The following TRIM44 variants were observed in gnomAD, a reference collection of about 807,000 sequenced individuals.
TRIM44 encodes the protein tripartite motif containing 44.
Under a neutral mutation model 37.4 loss-of-function variants are expected in TRIM44, and 13 were observed. The observed-to-expected ratio is 0.35, with a 90% CI of 0.23 to 0.55. The LOEUF (loss-of-function observed/expected upper bound fraction) is 0.55, where lower values mean the gene tolerates loss of function less well. TRIM44 is among the 20% of genes least tolerant of loss of function. TRIM44 has a pLI of 0.89. For missense variants in TRIM44, 426 were observed against 437.2 expected (o/e 0.97, Z 0.23); for synonymous variants, 175 against 157.2 (o/e 1.11, Z -0.85).
At chr11:35,741,865 G>T (rs1852401439) in intron 4 of TRIM44, among the ~76,000 whole-genome samples, 1 of 152,152 alleles carries the variant, frequency 6.6e-6, no homozygotes, top group Non-Finnish European at 1.5e-5. Context: ...CTTTGTTCCT[G>T]CATTTAAAGA....
At chr11:35,772,833 A>G (rs1391677181) in intron 4 of TRIM44, among the ~76,000 whole-genome samples, 2 of 152,204 alleles carry the variant, frequency 1.3e-5, no homozygotes, top group Non-Finnish European at 2.9e-5. Context: ...TAATGCTGAA[A>G]TAAGTTAAGA....
intron 4 of TRIM44, among the ~76,000 whole-genome samples, chr11:35,783,605 A>ACC (rs1853092708): frequency 6.6e-6 from 1 of 152,186 alleles, no homozygotes; most frequent in Admixed American, 6.5e-5. Context: ...ATGAATACTT[A>ACC]AAGTATTGCC....
At chr11:35,796,228 G>A (rs75849044) in intron 4 of TRIM44, among the ~76,000 whole-genome samples, 4,719 of 150,042 alleles carry the variant, frequency 0.031, 118 homozygotes, top group South Asian at 0.13. Flanking sequence ...GTGTGTGTGC[G>A]CGCGCGCACG....
chr11:35,687,560 C>A (rs1056971106), intron 2 of TRIM44, among the ~76,000 whole-genome samples: 11 of 152,180 alleles, frequency 7.2e-5, no homozygotes, highest in Admixed American at 5.2e-4. Flanking sequence ...TTCCGCCAAA[C>A]TTATAATTAG....
chr11:35,787,387 C>T (rs1437128811), intron 4 of TRIM44, among the ~76,000 whole-genome samples: 1 of 152,140 alleles, frequency 6.6e-6, no homozygotes, highest in Non-Finnish European at 1.5e-5. Flanking sequence ...TCCACAGTGT[C>T]TCTGTTATTA....
intron 3 of TRIM44, among the ~76,000 whole-genome samples, chr11:35,727,301 G>A (rs1432566937): frequency 6.6e-6 from 1 of 152,178 alleles, no homozygotes; most frequent in African/African-American, 2.4e-5. Flanking sequence ...ACATAGGAGA[G>A]TCCTGTGGAC....
At position 35,781,650 on chromosome 11, in the gene TRIM44, G is replaced by A. The variant is rs532673373; in HGVS notation, c.1008-24708G>A. Among the ~76,000 whole-genome samples the A allele has an allele frequency of 3.9e-5, 6 of 152,342 alleles. No homozygotes were observed. The South Asian group carries it at 1.0e-3, about 26-fold the overall frequency. The stretch of plus-strand genomic sequence containing the variant: ...TGCCAAATGGGACTTTTCCCAAGAT[G>A]TCTTTGGTTATCATGAAGAGTAAAT... On this transcript the variant is annotated intron_variant, in intron 4 of 4. Coordinates refer to ENST00000299413, the MANE Select transcript of TRIM44 (RefSeq NM_017583.6).
chr11:35,803,468 A>C (rs1374895556), intron 4 of TRIM44, among the ~76,000 whole-genome samples: 1 of 152,118 alleles, frequency 6.6e-6, no homozygotes, highest in Non-Finnish European at 1.5e-5. Context: ...ATGGTGGCTC[A>C]TGCCTGTAAT....
chr11:35,707,099 C>G (rs981541749), intron 2 of TRIM44, among the ~76,000 whole-genome samples: 6 of 151,668 alleles, frequency 4.0e-5, no homozygotes, highest in Non-Finnish European at 8.8e-5. Flanking sequence ...AAAAATCACA[C>G]GCATTCTTAT....
At chr11:35,674,326 C>CA (rs1004250923) in intron 1 of TRIM44, among the ~76,000 whole-genome samples, 2 of 150,764 alleles carry the variant, frequency 1.3e-5, no homozygotes. Flanking sequence ...GCATCAGGTG[C>CA]AAAAAAAATC....
At chr11:35,766,337 G>T (rs150438211) in intron 4 of TRIM44, among the ~76,000 whole-genome samples, 1 of 152,268 alleles carries the variant, frequency 6.6e-6, no homozygotes, top group Admixed American at 6.5e-5. Context: ...GTGTGTTGGG[G>T]TTGGGAATTT....
At chr11:35,688,846 G>C (rs980231818) in intron 2 of TRIM44, among the ~76,000 whole-genome samples, 5 of 152,166 alleles carry the variant, frequency 3.3e-5, no homozygotes, top group Non-Finnish European at 7.4e-5. Flanking sequence ...TGATGTTGCT[G>C]TTTCAAGTAC....
chr11:35,740,096 T>TAAA (rs1258985035), intron 4 of TRIM44, among the ~76,000 whole-genome samples: 3 of 64,544 alleles, frequency 4.6e-5, no homozygotes, highest in South Asian at 5.8e-4. Flanking sequence ...AGACTCTGTC[T>TAAA]AAAAAAAAAA....
intron 2 of TRIM44, among the ~76,000 whole-genome samples, chr11:35,694,301 GC>G (rs534835221): frequency 6.6e-6 from 1 of 152,098 alleles, no homozygotes; most frequent in Non-Finnish European, 1.5e-5. Context: ...AACAAATGAT[GC>G]CCTTCTAGAA....
chr11:35,805,233 G>A (rs1024553696), intron 4 of TRIM44, among the ~76,000 whole-genome samples: 18 of 152,320 alleles, frequency 1.2e-4, no homozygotes, highest in African/African-American at 4.1e-4. Flanking sequence ...TGAGTAACAC[G>A]TAATTCAGTG....
intron 1 of TRIM44, among the ~76,000 whole-genome samples, chr11:35,664,842 C>G (rs181678682): frequency 6.6e-6 from 1 of 152,150 alleles, no homozygotes; most frequent in Non-Finnish European, 1.5e-5. Context: ...ATACCTTTTC[C>G]AATTATAACC....
At chr11:35,794,929 A>G (rs1436797658) in intron 4 of TRIM44, among the ~76,000 whole-genome samples, 2 of 152,264 alleles carry the variant, frequency 1.3e-5, no homozygotes, top group Non-Finnish European at 1.5e-5. Context: ...CAGTGCTATG[A>G]AGACAATACA....
At chr11:35,731,041 A>AATT (rs1424841659) in intron 3 of TRIM44, among the ~76,000 whole-genome samples, 3 of 152,022 alleles carry the variant, frequency 2.0e-5, no homozygotes, top group Non-Finnish European at 4.4e-5. Flanking sequence ...CTACAAATAG[A>AATT]GACAGTTTTA....
intron 4 of TRIM44, among the ~76,000 whole-genome samples, chr11:35,765,428 T>C (rs1237433739): frequency 6.6e-6 from 1 of 152,180 alleles, no homozygotes; most frequent in Non-Finnish European, 1.5e-5. Flanking sequence ...TCAAGGAAGA[T>C]TTCACAGATG....
Sources: gnomAD v4.1 joint callset for allele counts (sites outside exome capture counted in the v4.1 genomes callset) on GRCh38, gnomAD v4.1.1 for gene constraint, MANE v1.5 for transcripts, NCBI Gene and HGNC (gene_info 2026-07-23, HGNC 2026-07-21) for gene names.